The following RNH1 variants were observed in gnomAD, a reference collection of about 807,000 sequenced individuals.
RNH1 encodes ribonuclease/angiogenin inhibitor 1, also known as ribonuclease inhibitor.
In RNH1, 38 loss-of-function variants were observed where a neutral mutation model predicts 46.1. That is an observed-to-expected ratio of 0.82 (90% CI 0.64 to 1.08). The LOEUF (loss-of-function observed/expected upper bound fraction) is 1.08. Among genes scored for constraint, RNH1 ranks in the 50% least tolerant of loss-of-function variants. The pLI, the probability that RNH1 is intolerant of heterozygous loss-of-function variation, is 0.00. For synonymous variants in RNH1, 319 were observed against 279.1 expected, an observed-to-expected ratio of 1.14 and a Z score of -1.43; for missense variants, 577 against 590.7, an observed-to-expected ratio of 0.98 and a Z score of 0.24.
At chr11:496,718 C>A (rs1435057739) in intron 9 of RNH1, among the ~76,000 whole-genome samples, 2 of 152,236 alleles carry the variant, frequency 1.3e-5, no homozygotes, top group African/African-American at 4.8e-5. Flanking sequence ...ATGCTATACC[C>A]GGCTAAATGA....
intron 9 of RNH1, 99 bp downstream of exon 9, chr11:497,872 A>T: frequency 1.4e-6 from 2 of 1,411,944 alleles, no homozygotes; most frequent in South Asian, 2.6e-5. Flanking sequence ...ACACACGGAC[A>T]CTCGTGCTCA....
At position 500,430 on chromosome 11, in the gene RNH1, G is replaced by A. The variant is rs563854207; in HGVS notation, c.272+54C>T. 72 of 1,565,400 alleles carry A rather than the reference G, an allele frequency of 4.6e-5. 1 individual carries two copies. The East Asian group carries it at 1.1e-3, about 24-fold the overall frequency. ...CCTGGCGGCTCTGTCCCCTGCTGCC[G>A]GGCTACCAAAGCAGACTGCACCAGG... On this transcript the variant is annotated intron_variant, in intron 4 of 10. Coordinates refer to ENST00000354420, the MANE Select transcript of RNH1 (RefSeq NM_203387.3).
In RNH1 at chr11:500,835, A is replaced by C. The variant is rs913168159; in HGVS notation, c.102-181T>G. 2.0e-5 allele frequency: 16 copies of C among 803,466 alleles called. No homozygotes were observed. The African/African-American group carries it at 2.5e-4, about 13-fold the overall frequency. 49.8% of individuals were successfully genotyped at this position (803,466 alleles called of 1,614,324 possible). On this transcript the variant is annotated intron_variant, in intron 3 of 10. Coordinates refer to ENST00000354420, the MANE Select transcript of RNH1 (RefSeq NM_203387.3). ...CTGTTCCATGAAAGTTTTGTTTAAG[A>C]TGCTCGCACGTGGCCAGGCGCGGTG...
chr11:499,832 A>T lies in RNH1; in HGVS notation c.440T>A (p.Leu147Gln). 1 of 1,606,610 alleles carries T rather than the reference A, an allele frequency of 6.2e-7. No homozygotes were observed. Among genetic ancestry groups the T allele is most frequent in the Non-Finnish European group, 8.5e-7 (1 of 1,176,102 alleles). ...CTGGGGCAGGACACAAACTCACTGCAGCTTTTCCAGGCGGCACTGGGGGTC... is the reference window on the plus strand; with the variant it reads ...CTGGGGCAGGACACAAACTCACTGCTGCTTTTCCAGGCGGCACTGGGGGTC... ...LLDPQCRLEK[L>Q]QLEYCSLSAA... Residue 147 changes from leucine (L) to glutamine (Q), a missense_variant, in exon 5 of 11, where the codon CTG becomes CAG. Coordinates refer to ENST00000354420, the MANE Select transcript of RNH1 (RefSeq NM_203387.3).
chr11:499,746 C>T, intron 5 of RNH1, 83 bp downstream of exon 5: 1 of 1,536,754 alleles, frequency 6.5e-7, no homozygotes, highest in Admixed American at 1.7e-5. Flanking sequence ...CTCACGGCTC[C>T]TGGCAGGCGA....
In RNH1 at chr11:497,317, G is replaced by A. The variant is rs796621378; in HGVS notation, c.1127+654C>T. Among the ~76,000 whole-genome samples, 137 of 116,478 alleles carry A rather than the reference G, an allele frequency of 1.2e-3. 1 individual carries two copies. Among genetic ancestry groups the A allele is most frequent in the African/African-American group, 4.4e-3 (129 of 29,054 alleles). 76.4% of individuals were successfully genotyped at this position (116,478 alleles called of 152,430 possible). ...CATTCTTGCCCATGTGCTCACACAC[G>A]GACCCTCGTGCTCACTCTCACGTGC... is the stretch of plus-strand genomic sequence containing the variant. On this transcript the variant is annotated intron_variant, in intron 9 of 10. Transcript: ENST00000354420.
At chr11:498,285 TG>T in intron 8 of RNH1, 144 bp from the exon 9 acceptor site, 3 of 1,251,042 alleles carry the variant, frequency 2.4e-6, no homozygotes, top group South Asian at 2.9e-5. Context: ...ACCTGGTCCT[TG>T]GCCCCAAGCA....
At chr11:500,818 T>C in intron 3 of RNH1, 164 bp from the exon 4 acceptor site, 2 of 871,168 alleles carry the variant, frequency 2.3e-6, no homozygotes, top group Admixed American at 4.0e-5. Flanking sequence ...AACTGTTCCA[T>C]GAAAGTTTTG....
chr11:499,740 C>T (rs1000472844), intron 5 of RNH1, 89 bp downstream of exon 5: 234 of 1,514,144 alleles, frequency 1.5e-4, no homozygotes, highest in African/African-American at 5.7e-4. Context: ...CCCCTCCTCA[C>T]GGCTCCTGGC....
Position 494,761 on chromosome 11 carries a change from C to T in RNH1, c.1316G>A (p.Trp439Ter). The T allele has an allele frequency of 6.2e-7, 1 of 1,614,004 alleles. No individual in the cohort carries two copies. Among genetic ancestry groups the T allele is most frequent in the Non-Finnish European group, 8.5e-7 (1 of 1,179,994 alleles). The change falls in exon 11 of 11, where the codon TGG (tryptophan) becomes TAG (stop). Residue 439 changes from tryptophan (W) to a stop codon, truncating the protein, a stop_gained. Transcript: ENST00000354420. LOFTEE classifies it low-confidence loss of function (END_TRUNC). ...CAGCCGGTCCTCCATCTCCTCAGAC[C>T]AGTAAATGTCGTACAGGCTGCACAC... ...LEQLVLYDIY[W>*]SEEMEDRLQA...
chr11:500,767 C>A, intron 3 of RNH1, 113 bp from the exon 4 acceptor site: 1 of 1,061,176 alleles, frequency 9.4e-7, no homozygotes, highest in Non-Finnish European at 1.4e-6. Flanking sequence ...GACAGCAAGG[C>A]AAGTCACACA....
At chr11:497,925 C>T in intron 9 of RNH1, 46 bp downstream of exon 9, 1 of 1,582,564 alleles carries the variant, frequency 6.3e-7, no homozygotes, top group Non-Finnish European at 8.6e-7. Context: ...CACACACGGG[C>T]ATATGATCTC....
chr11:500,315 C>A (rs1286225438), intron 4 of RNH1, 169 bp downstream of exon 4: 3 of 835,308 alleles, frequency 3.6e-6, no homozygotes, highest in Admixed American at 2.7e-5. Flanking sequence ...CCTGTCCCCC[C>A]CGCTGTGAGA....
rs1371304071 is a variant in RNH1, at chr11:494,587, C to A, written c.*104G>T. 4 of 972,486 alleles carry A rather than the reference C, an allele frequency of 4.1e-6. No individual in the cohort carries two copies. The East Asian group carries it at 9.6e-5, about 23-fold the overall frequency. The allele number at this position is 972,486 out of a possible 1,614,324, so 60.2% of individuals were successfully genotyped here. On this transcript the variant is annotated 3_prime_UTR_variant, in exon 11 of 11. Coordinates refer to ENST00000354420, the MANE Select transcript of RNH1 (RefSeq NM_203387.3). ...CAGAAATAAGCGGATCTGAGCGTTT[C>A]TCTTCAAACCTAGGATATGCAGGGT...
intron 1 of RNH1, chr11:506,763 G>T (rs1211461437): frequency 6.6e-6 from 1 of 152,324 alleles, no homozygotes; most frequent in Non-Finnish European, 1.5e-5. Flanking sequence ...TAGCTCGCTG[G>T]AATCTAAGGC....
chr11:502,633 C>T lies in RNH1; in HGVS notation c.-87-384G>A, dbSNP rs1849856980. The stretch of plus-strand genomic sequence containing the variant: ...GGGTCTGTGGGCTTGACCTGTGTCT[C>T]ACCCTCAGGACAGGCAGACTGTGCG... On this transcript the variant is annotated intron_variant, in intron 2 of 10. Coordinates refer to ENST00000354420, the MANE Select transcript of RNH1 (RefSeq NM_203387.3). This position sits in a 1 kb window ranked among gnomAD's most constrained non-coding sequence, Gnocchi z 5.8. 5.2e-6 allele frequency: 1 copy of T among 194,026 alleles called. No individual in the cohort carries two copies. Among genetic ancestry groups the T allele is most frequent in the African/African-American group, 2.3e-5 (1 of 43,310 alleles). The allele number at this position is 194,026 out of a possible 1,614,324, so 12.0% of individuals were successfully genotyped here. A position where few individuals can be genotyped will look rare whatever the true frequency, so the allele number is the denominator to read the frequency against.
rs963357802 is a variant in RNH1, at chr11:499,134, C to T, written c.495G>A (p.Val165=). The stretch of plus-strand genomic sequence containing the variant: ...CCTTGAAGTCCGGCTTGGCCCTGAG[C>T]ACGGAGGCCAGGGGCTCGCAGCTGG... ...SAASCEPLAS[V]LRAKPDFKEL... Residue 165 remains valine, a synonymous_variant, in exon 6 of 11, where the codon GTG becomes GTA. Coordinates refer to ENST00000354420, the MANE Select transcript of RNH1 (RefSeq NM_203387.3). 2.5e-6 allele frequency: 4 copies of T among 1,613,160 alleles called. No homozygotes were observed. The African/African-American group carries it at 4.0e-5, about 16-fold the overall frequency.
Position 494,610 on chromosome 11 carries a change from G to C in RNH1, c.*81C>G. 2 of 1,191,186 alleles carry C rather than the reference G, an allele frequency of 1.7e-6. No individual in the cohort carries two copies. Among genetic ancestry groups the C allele is most frequent in the Middle Eastern group, 2.1e-4 (1 of 4,864 alleles). The allele number at this position is 1,191,186 out of a possible 1,614,324, so 73.8% of individuals were successfully genotyped here. On this transcript the variant is annotated 3_prime_UTR_variant, in exon 11 of 11. Coordinates refer to ENST00000354420, the MANE Select transcript of RNH1 (RefSeq NM_203387.3). ...TTCTCTTCAAACCTAGGATATGCAGGGTGAGAGCATGGCAGGGGCTGGTGG... is the reference window on the plus strand; with the variant it reads ...TTCTCTTCAAACCTAGGATATGCAGCGTGAGAGCATGGCAGGGGCTGGTGG...
intron 8 of RNH1, 25 bp downstream of exon 8, chr11:498,432 G>C: frequency 4.4e-6 from 7 of 1,608,896 alleles, no homozygotes; most frequent in Non-Finnish European, 5.9e-6. Context: ...GGGCGACAGG[G>C]CCCTGCCCCG....
Sources: allele counts gnomAD v4.1 joint callset (sites outside exome capture counted in the v4.1 genomes callset), GRCh38; gene constraint gnomAD v4.1.1; non-coding constraint Gnocchi (gnomAD v3.1); transcripts MANE v1.5; gene names NCBI Gene and HGNC (gene_info 2026-07-23, HGNC 2026-07-21).